The following ANGPT1 variants were observed in gnomAD, a reference collection of about 807,000 sequenced individuals.
ANGPT1 encodes the protein angiopoietin-1.
In ANGPT1, 17 loss-of-function variants were observed where a neutral mutation model predicts 62.2. That is an observed-to-expected ratio of 0.27 (90% CI 0.19 to 0.41). The LOEUF is 0.41. Among genes scored for constraint, ANGPT1 ranks in the 10% least tolerant of loss-of-function variants. ANGPT1 has a pLI of 1.00. For missense variants in ANGPT1, 478 were observed against 594.9 expected (o/e 0.80, Z 2.04); for synonymous variants, 199 against 198.9 (o/e 1.00, Z 0.00).
intron 1 of ANGPT1, among the ~76,000 whole-genome samples, chr8:107,425,289 C>G (rs368945868): frequency 6.6e-6 from 1 of 152,176 alleles, no homozygotes; most frequent in Non-Finnish European, 1.5e-5. Context: ...GGTGACCATA[C>G]GCTACTATGG....
intron 1 of ANGPT1, among the ~76,000 whole-genome samples, chr8:107,452,504 AT>A (rs138200312): frequency 0.052 from 7,862 of 150,668 alleles, 233 homozygotes; most frequent in South Asian, 0.097. Context: ...TTTTATTTTT[AT>A]TTTTTTTGAA....
chr8:107,482,312 T>A lies in ANGPT1; in HGVS notation c.297+14950A>T, dbSNP rs545533616. 7.2e-5 allele frequency among the ~76,000 whole-genome samples: 11 copies of A among 152,308 alleles called. No homozygotes were observed. The South Asian group carries it at 2.3e-3, about 32-fold the overall frequency. On this transcript the variant is annotated intron_variant, in intron 1 of 8. Coordinates refer to ENST00000517746, the MANE Select transcript of ANGPT1 (RefSeq NM_001146.5). ...GATGGGTTGTTTCTACTCCATGATG[T>A]TCTGAACCTTTTCCGAATCTAGAGA...
intron 5 of ANGPT1, among the ~76,000 whole-genome samples, chr8:107,302,966 A>G (rs1275517681): frequency 6.6e-6 from 1 of 151,892 alleles, no homozygotes; most frequent in African/African-American, 2.4e-5. Context: ...TGTAATCTGT[A>G]CAAGGCAAAC....
chr8:107,263,220 G>C (rs1813534395), intron 8 of ANGPT1, among the ~76,000 whole-genome samples: 2 of 151,804 alleles, frequency 1.3e-5, no homozygotes, highest in Non-Finnish European at 2.9e-5. Flanking sequence ...CGGGCGTGGT[G>C]GTGGGCACCT....
At chr8:107,308,571 C>T (rs926216252) in intron 4 of ANGPT1, among the ~76,000 whole-genome samples, 4 of 152,096 alleles carry the variant, frequency 2.6e-5, no homozygotes, top group African/African-American at 9.7e-5. Context: ...GCCAGGTGGA[C>T]ACCAGGAAGG....
At chr8:107,361,380 T>C (rs1211318593) in intron 1 of ANGPT1, among the ~76,000 whole-genome samples, 2 of 150,362 alleles carry the variant, frequency 1.3e-5, no homozygotes, top group African/African-American at 4.9e-5. Flanking sequence ...AAGTTATGCT[T>C]AAAGAAAATT....
At chr8:107,416,956 A>T (rs1271954013) in intron 1 of ANGPT1, among the ~76,000 whole-genome samples, 1 of 151,806 alleles carries the variant, frequency 6.6e-6, no homozygotes, top group Non-Finnish European at 1.5e-5. Flanking sequence ...CATCTTGGCT[A>T]ATTTTTGTAT....
At chr8:107,362,630 C>T in intron 1 of ANGPT1, among the ~76,000 whole-genome samples, 1 of 152,066 alleles carries the variant, frequency 6.6e-6, no homozygotes, top group Non-Finnish European at 1.5e-5. Context: ...CTCATTGAGG[C>T]CTTTTGCATT....
intron 1 of ANGPT1, among the ~76,000 whole-genome samples, chr8:107,409,363 G>A (rs1817213287): frequency 6.6e-6 from 1 of 152,158 alleles, no homozygotes; most frequent in African/African-American, 2.4e-5. Flanking sequence ...TGTCTGTTGA[G>A]CTTGGATTCC....
chr8:107,389,123 T>C (rs1816787368), intron 1 of ANGPT1, among the ~76,000 whole-genome samples: 1 of 152,106 alleles, frequency 6.6e-6, no homozygotes, highest in Non-Finnish European at 1.5e-5. Flanking sequence ...AAAGCACAAA[T>C]GTAGTGATAT....
In ANGPT1 at chr8:107,264,488, G is replaced by C. The variant is rs1026992404; in HGVS notation, c.1206-137C>G. On this transcript the variant is annotated intron_variant, in intron 7 of 8. Transcript: ENST00000517746. The stretch of plus-strand genomic sequence containing the variant: ...CTCAGCCCTTCCAACAAACCTCTAG[G>C]AGACCCAAGCTATCTGAACCAAAAG... The C allele has an allele frequency of 4.7e-6, 5 of 1,065,090 alleles. No individual in the cohort carries two copies. The South Asian group carries it at 5.3e-5, about 11-fold the overall frequency. The allele number at this position is 1,065,090 out of a possible 1,614,324, so 66.0% of individuals were successfully genotyped here. A position where few individuals can be genotyped will look rare whatever the true frequency, so the allele number is the denominator to read the frequency against.
intron 7 of ANGPT1, among the ~76,000 whole-genome samples, chr8:107,282,338 C>T (rs187201891): frequency 9.9e-5 from 15 of 151,204 alleles, no homozygotes; most frequent in African/African-American, 3.6e-4. Context: ...GAACAGAAAC[C>T]ACATTGAATG....
Position 107,484,271 on chromosome 8 carries a change from T to C in ANGPT1, c.297+12991A>G, listed in dbSNP as rs117327952. ...TGTAAACTCTTAAAAATCATTTGAC[T>C]TTAGTGGCCCTCAGTTTCCTTATCT... is the stretch of plus-strand genomic sequence containing the variant. On this transcript the variant is annotated intron_variant, in intron 1 of 8. Coordinates refer to ENST00000517746, the MANE Select transcript of ANGPT1 (RefSeq NM_001146.5). 2.6e-3 allele frequency among the ~76,000 whole-genome samples: 391 copies of C among 152,350 alleles called. 9 individuals carry two copies. The highest frequency in any genetic ancestry group is 0.024 in the Admixed American group (362 of 15,294).
chr8:107,380,757 T>C (rs1816621177), intron 1 of ANGPT1, among the ~76,000 whole-genome samples: 1 of 152,180 alleles, frequency 6.6e-6, no homozygotes, highest in African/African-American at 2.4e-5. Flanking sequence ...CACTTATCCA[T>C]GTATCTTTGC....
At chr8:107,272,684 T>C (rs1813764671) in intron 7 of ANGPT1, among the ~76,000 whole-genome samples, 1 of 151,240 alleles carries the variant, frequency 6.6e-6, no homozygotes, top group African/African-American at 2.4e-5. Flanking sequence ...TATTGTTGTG[T>C]GCCTTTCAAT....
chr8:107,414,323 AG>A (rs1396162005), intron 1 of ANGPT1, among the ~76,000 whole-genome samples: 1 of 152,170 alleles, frequency 6.6e-6, no homozygotes, highest in Non-Finnish European at 1.5e-5. Flanking sequence ...AATAGTCAAA[AG>A]AAGATTTTAA....
At chr8:107,301,222 A>G (rs1455869557) in intron 5 of ANGPT1, among the ~76,000 whole-genome samples, 2 of 151,966 alleles carry the variant, frequency 1.3e-5, no homozygotes, top group African/African-American at 2.4e-5. Flanking sequence ...CGATTCATTT[A>G]TATCACAGAA....
At chr8:107,433,153 G>A (rs868297619) in intron 1 of ANGPT1, among the ~76,000 whole-genome samples, 3 of 152,150 alleles carry the variant, frequency 2.0e-5, no homozygotes, top group South Asian at 2.1e-4. Context: ...TGTGGGTATA[G>A]GGGAAATTGG....
intron 1 of ANGPT1, among the ~76,000 whole-genome samples, chr8:107,482,736 G>C (rs1812721255): frequency 6.6e-6 from 1 of 152,070 alleles, no homozygotes; most frequent in Admixed American, 6.6e-5. Context: ...TCTTTACATA[G>C]CTTTATTACT....
Sources: gnomAD v4.1 joint callset for allele counts (sites outside exome capture counted in the v4.1 genomes callset) on GRCh38, gnomAD v4.1.1 for gene constraint, MANE v1.5 for transcripts, NCBI Gene and HGNC (gene_info 2026-07-23, HGNC 2026-07-21) for gene names.